The following CALN1 variants were observed in gnomAD, a reference collection of about 807,000 sequenced individuals.
The protein encoded by CALN1 is calneuron 1.
CALN1 carries 17 observed loss-of-function variants against 30.6 expected under a neutral mutation model. That is an observed-to-expected ratio of 0.56 (90% CI 0.38 to 0.83). The LOEUF (loss-of-function observed/expected upper bound fraction) is 0.83, where lower values mean the gene tolerates loss of function less well. Among genes scored for constraint, CALN1 ranks in the 40% least tolerant of loss-of-function variants. The pLI is 0.00. For missense variants in CALN1, 291 were observed against 354.9 expected, an observed-to-expected ratio of 0.82 and a Z score of 1.45; for synonymous variants, 156 against 131.4, an observed-to-expected ratio of 1.19 and a Z score of -1.28.
At chr7:72,403,753 C>A (rs900080289) in intron 1 of CALN1, among the ~76,000 whole-genome samples, 2 of 152,162 alleles carry the variant, frequency 1.3e-5, no homozygotes, top group African/African-American at 4.8e-5. Context: ...GTGGAGAAAG[C>A]TATAGCCGCC....
At position 72,386,839 on chromosome 7, in the gene CALN1, C is replaced by T. The variant is rs144878288; in HGVS notation, c.119+16412G>A. ...AAATTTAAGGGGTCTTGTCACCTTG[C>T]CCTGGCTGGCCTTAACCCCATGTTT... On this transcript the variant is annotated intron_variant, in intron 2 of 6. Transcript: ENST00000395275. Among the ~76,000 whole-genome samples, 1,231 of 152,144 alleles carry T rather than the reference C, an allele frequency of 8.1e-3. 20 individuals are homozygous for T. The highest frequency in any genetic ancestry group is 0.028 in the African/African-American group (1,179 of 41,508).
chr7:71,788,048 G>T, intron 6 of CALN1, 146 bp from the exon 7 acceptor site: 1 of 1,085,080 alleles, frequency 9.2e-7, no homozygotes, highest in Non-Finnish European at 1.3e-6. Context: ...AAATCAAGTT[G>T]ACAGGCATTT....
intron 4 of CALN1, among the ~76,000 whole-genome samples, chr7:72,091,302 G>T (rs1348789202): frequency 6.6e-6 from 1 of 152,222 alleles, no homozygotes; most frequent in Non-Finnish European, 1.5e-5. Flanking sequence ...TTGCACTCCA[G>T]TCTGGGTGAC....
chr7:72,008,576 T>C (rs953547309), intron 5 of CALN1, among the ~76,000 whole-genome samples: 8 of 151,416 alleles, frequency 5.3e-5, no homozygotes, highest in African/African-American at 9.7e-5. Flanking sequence ...AATAGAAGCA[T>C]AGATTTTCCC....
intron 5 of CALN1, among the ~76,000 whole-genome samples, chr7:71,831,208 C>T (rs181999031): frequency 4.6e-5 from 7 of 152,180 alleles, no homozygotes; most frequent in Admixed American, 1.3e-4. Context: ...GGGCCAGGCG[C>T]GGTGGCTCAG....
intron 6 of CALN1, among the ~76,000 whole-genome samples, chr7:71,800,694 T>C (rs987347289): frequency 2.0e-5 from 3 of 152,086 alleles, no homozygotes; most frequent in African/African-American, 7.2e-5. Context: ...TATGAAGACT[T>C]TGAAATGCCA....
At chr7:72,404,046 T>C (rs774469015) in intron 1 of CALN1, among the ~76,000 whole-genome samples, 7 of 152,190 alleles carry the variant, frequency 4.6e-5, no homozygotes, top group Admixed American at 6.5e-5. Context: ...CTAGGTCCAC[T>C]TGATGTCACC....
intron 3 of CALN1, among the ~76,000 whole-genome samples, chr7:72,178,214 A>G (rs1585099758): frequency 6.6e-6 from 1 of 152,242 alleles, no homozygotes; most frequent in Non-Finnish European, 1.5e-5. Context: ...ACAGGAAGGA[A>G]GACCTCTTTC....
chr7:72,072,493 C>G (rs905420962), intron 4 of CALN1, among the ~76,000 whole-genome samples: 7 of 152,122 alleles, frequency 4.6e-5, no homozygotes, highest in African/African-American at 1.7e-4. Context: ...ACTAGACTTG[C>G]CCTGCAACAG....
intron 5 of CALN1, among the ~76,000 whole-genome samples, chr7:71,874,279 TAAA>T (rs57423286): frequency 0.032 from 3,086 of 97,590 alleles, 120 homozygotes; most frequent in African/African-American, 0.11. Flanking sequence ...TCTCAAACAT[TAAA>T]AAAAAAAAAA....
intron 5 of CALN1, among the ~76,000 whole-genome samples, chr7:71,831,131 G>T (rs1369722681): frequency 2.0e-5 from 3 of 152,126 alleles, no homozygotes; most frequent in Non-Finnish European, 4.4e-5. Context: ...CCTGAAGCAG[G>T]TCATTTAATG....
At position 72,237,002 on chromosome 7, in the gene CALN1, G is replaced by C. The variant is rs1317730038; in HGVS notation, c.244+41684C>G. ...TTTCTATTTTTATTTTTTTTTTTTT[G>C]AGATGGAGTTTCCCTCTTGTTGCCC... On this transcript the variant is annotated intron_variant, in intron 3 of 6. Transcript: ENST00000395275. Among the ~76,000 whole-genome samples the C allele has an allele frequency of 6.8e-5, 9 of 131,552 alleles. No individual in the cohort carries two copies. In the Admixed American group the frequency reaches 6.9e-4, roughly 10 times the overall value. 86.3% of individuals were successfully genotyped at this position (131,552 alleles called of 152,430 possible). A position where few individuals can be genotyped will look rare whatever the true frequency, so the allele number is the denominator to read the frequency against.
intron 4 of CALN1, among the ~76,000 whole-genome samples, chr7:72,072,845 A>C (rs1040454460): frequency 6.6e-6 from 1 of 152,222 alleles, no homozygotes; most frequent in African/African-American, 2.4e-5. Context: ...AGAATGTATA[A>C]CTTTAGTATG....
chr7:71,810,377 A>G lies in CALN1; in HGVS notation c.617T>C (p.Leu206Pro), dbSNP rs1177783550. ...ENIIINEEES[L>P]NETSGNCQTE... ...TTGGCAGTTCCCCGAGGTCTCATTC[A>G]GGCTCTCTTCCTCATTGATAATGAT... Residue 206 changes from leucine (L) to proline (P), a missense_variant, in exon 6 of 7, where the codon CTG (leucine) becomes CCG (proline). By Grantham distance (98) the Leu-to-Pro change is moderately conservative (BLOSUM62 -3). Transcript: ENST00000395275. The G allele has an allele frequency of 2.5e-6, 4 of 1,614,108 alleles. No individual in the cohort carries two copies. The East Asian group carries it at 6.7e-5, about 27-fold the overall frequency.
chr7:72,130,789 A>C (rs1809088526), intron 3 of CALN1, among the ~76,000 whole-genome samples: 1 of 152,166 alleles, frequency 6.6e-6, no homozygotes, highest in Admixed American at 6.5e-5. Flanking sequence ...GTACACACTA[A>C]ATCATTAACA....
At chr7:71,957,692 G>A (rs1172340608) in intron 5 of CALN1, among the ~76,000 whole-genome samples, 1 of 152,138 alleles carries the variant, frequency 6.6e-6, no homozygotes, top group African/African-American at 2.4e-5. Flanking sequence ...TTTGAAGAAG[G>A]AGAAGAAACT....
intron 5 of CALN1, among the ~76,000 whole-genome samples, chr7:71,819,139 A>C (rs553743335): frequency 1.0e-3 from 157 of 151,956 alleles, no homozygotes; most frequent in African/African-American, 3.7e-3. Context: ...ACAGACATGC[A>C]CCACCACTTG....
chr7:71,834,347 C>CAA (rs1789481693), intron 5 of CALN1, among the ~76,000 whole-genome samples: 1 of 101,672 alleles, frequency 9.8e-6, no homozygotes, highest in African/African-American at 4.6e-5. Context: ...ACGATCCACC[C>CAA]TAAAAAAAAA....
chr7:72,240,192 CTTT>C (rs57111533), intron 3 of CALN1, among the ~76,000 whole-genome samples: 3 of 140,720 alleles, frequency 2.1e-5, no homozygotes, highest in South Asian at 2.3e-4. Flanking sequence ...GGGGAAATTT[CTTT>C]TTTTTTTTTT....
Sources: allele counts gnomAD v4.1 joint callset (sites outside exome capture counted in the v4.1 genomes callset), GRCh38; gene constraint gnomAD v4.1.1; transcripts MANE v1.5; gene names NCBI Gene and HGNC (gene_info 2026-07-23, HGNC 2026-07-21).